ERC1: variants seen among roughly 807,000 people sequenced by gnomAD.
The protein encoded by ERC1 is ELKS/RAB6-interacting/CAST family member 1.
ERC1 carries 56 observed loss-of-function variants against 132.0 expected under a neutral mutation model. The ratio of observed to expected loss-of-function variants is 0.42; its 90% CI spans 0.34 to 0.53. ERC1 has a LOEUF of 0.53. ERC1 is among the 20% of genes least tolerant of loss of function. The pLI, the probability that ERC1 is intolerant of heterozygous loss-of-function variation, is 0.03. For missense variants in ERC1, 1,202 were observed against 1,349.9 expected, an observed-to-expected ratio of 0.89 and a Z score of 1.72; for synonymous variants, 478 against 476.1, an observed-to-expected ratio of 1.00 and a Z score of -0.05.
intron 7 of ERC1, among the ~76,000 whole-genome samples, chr12:1,122,569 G>GTATATATCTATCTAAATCTC (rs1947622364): frequency 6.7e-4 from 4 of 5,932 alleles, no homozygotes; most frequent in Admixed American, 1.3e-3. Flanking sequence ...ATCTCTATCT[G>GTATATATCTATCTAAATCTC]TGTCTCTATC....
chr12:994,346 T>C (rs1960355157), intron 1 of ERC1, among the ~76,000 whole-genome samples: 1 of 152,106 alleles, frequency 6.6e-6, no homozygotes. Context: ...TTATTTTTTG[T>C]GTGTGGAATG....
At chr12:1,229,508 C>T (rs1594383453) in intron 12 of ERC1, among the ~76,000 whole-genome samples, 1 of 152,024 alleles carries the variant, frequency 6.6e-6, no homozygotes. Context: ...AAAAAAAAGT[C>T]TTCAATTTTG....
At chr12:1,101,077 G>T (rs1204072626) in intron 3 of ERC1, among the ~76,000 whole-genome samples, 2 of 152,070 alleles carry the variant, frequency 1.3e-5, no homozygotes, top group African/African-American at 4.8e-5. Flanking sequence ...ATGCATCATG[G>T]GTGCTAGCAA....
intron 10 of ERC1, among the ~76,000 whole-genome samples, chr12:1,182,711 G>A (rs1337892716): frequency 1.3e-5 from 2 of 151,812 alleles, no homozygotes; most frequent in African/African-American, 4.8e-5. Context: ...GCCCAGGCTG[G>A]AGTGCAGTGG....
At chr12:1,016,953 A>C (rs904306411) in intron 1 of ERC1, among the ~76,000 whole-genome samples, 10 of 151,582 alleles carry the variant, frequency 6.6e-5, no homozygotes, top group Non-Finnish European at 1.5e-4. Flanking sequence ...GCCCGGCTTC[A>C]GTGCTTTTCT....
intron 10 of ERC1, 24 bp downstream of exon 10, chr12:1,182,089 A>C: frequency 6.2e-7 from 1 of 1,609,534 alleles, no homozygotes; most frequent in Non-Finnish European, 8.5e-7. Context: ...AAATGGAATT[A>C]GTTTGTTTGC....
intron 12 of ERC1, among the ~76,000 whole-genome samples, chr12:1,218,215 G>A (rs189556080): frequency 1.3e-5 from 2 of 152,016 alleles, no homozygotes; most frequent in African/African-American, 4.8e-5. Context: ...TCTATACCTG[G>A]AGCCTTTGCC....
intron 13 of ERC1, among the ~76,000 whole-genome samples, chr12:1,240,338 T>C (rs1594461791): frequency 6.6e-6 from 1 of 152,200 alleles, no homozygotes; most frequent in African/African-American, 2.4e-5. Context: ...GTGTATGATA[T>C]TATCTTTCCT....
chr12:1,175,966 T>G (rs1001393878), intron 8 of ERC1, among the ~76,000 whole-genome samples: 4 of 152,214 alleles, frequency 2.6e-5, no homozygotes, highest in Admixed American at 2.6e-4. Flanking sequence ...CCTGTCAAAG[T>G]TATCCGTGAG....
intron 16 of ERC1, among the ~76,000 whole-genome samples, chr12:1,394,314 G>A (rs2090337056): frequency 6.6e-6 from 1 of 151,534 alleles, no homozygotes; most frequent in African/African-American, 2.4e-5. Context: ...GCAGGAGAAT[G>A]GTGTGAACCT....
At chr12:1,440,600 T>TGTGTG (rs2093111721) in intron 17 of ERC1, among the ~76,000 whole-genome samples, 1 of 51,114 alleles carries the variant, frequency 2.0e-5, no homozygotes, top group African/African-American at 8.7e-5. Context: ...CCTCAGCCTT[T>TGTGTG]TGTGTGTGTG....
chr12:1,340,465 G>A (rs1273581616), intron 15 of ERC1, among the ~76,000 whole-genome samples: 10 of 152,124 alleles, frequency 6.6e-5, no homozygotes, highest in Admixed American at 6.5e-4. Flanking sequence ...CTGCCAAATC[G>A]GTGTCTGTGG....
intron 15 of ERC1, among the ~76,000 whole-genome samples, chr12:1,350,071 G>C (rs987867521): frequency 3.9e-5 from 6 of 152,188 alleles, no homozygotes; most frequent in African/African-American, 1.4e-4. Flanking sequence ...AGTTTTAAAG[G>C]ATGAGGGAAA....
intron 2 of ERC1, among the ~76,000 whole-genome samples, chr12:1,037,497 C>T (rs756327271): frequency 3.3e-5 from 5 of 152,050 alleles, no homozygotes; most frequent in Non-Finnish European, 7.4e-5. Flanking sequence ...GTTATGAGTG[C>T]ACTGTTATGC....
At chr12:1,380,524 C>T (rs886451711) in intron 16 of ERC1, 2 of 152,248 alleles carry the variant, frequency 1.3e-5, no homozygotes, top group African/African-American at 4.8e-5. Context: ...TCTTTGAGCC[C>T]TCTCTGTCTT....
chr12:1,160,506 G>C (rs967619073), intron 8 of ERC1, among the ~76,000 whole-genome samples: 1 of 152,004 alleles, frequency 6.6e-6, no homozygotes, highest in Non-Finnish European at 1.5e-5. Flanking sequence ...AGGCTGAGGA[G>C]GGTGGATCAC....
At chr12:1,465,375 C>T (rs565039865) in intron 18 of ERC1, among the ~76,000 whole-genome samples, 1 of 151,684 alleles carries the variant, frequency 6.6e-6, no homozygotes, top group African/African-American at 2.4e-5. Flanking sequence ...TTTGGTGGTA[C>T]CAATCTTACT....
chr12:1,058,313 A>G (rs770407276), intron 2 of ERC1, among the ~76,000 whole-genome samples: 8 of 152,028 alleles, frequency 5.3e-5, no homozygotes, highest in Non-Finnish European at 7.4e-5. Context: ...ATAGTTTTAT[A>G]TGAATAGTTT....
At chr12:1,138,049 A>G (rs1156645763) in intron 7 of ERC1, among the ~76,000 whole-genome samples, 3 of 118,818 alleles carry the variant, frequency 2.5e-5, no homozygotes, top group Non-Finnish European at 3.5e-5. Flanking sequence ...ATAAAATACA[A>G]TTATATATAA....
Sources: allele counts gnomAD v4.1 joint callset (sites outside exome capture counted in the v4.1 genomes callset), GRCh38; gene constraint gnomAD v4.1.1; transcripts MANE v1.5; gene names NCBI Gene and HGNC (gene_info 2026-07-23, HGNC 2026-07-21).